The following SEMA3A variants were observed in gnomAD, a reference collection of about 807,000 sequenced individuals.
SEMA3A encodes semaphorin 3A.
In SEMA3A, 29 loss-of-function variants were observed where a neutral mutation model predicts 97.9. The observed-to-expected ratio is 0.30, with a 90% CI of 0.22 to 0.40. The LOEUF is 0.40. Among genes scored for constraint, SEMA3A ranks in the 10% least tolerant of loss-of-function variants. The pLI is 1.00. For synonymous variants in SEMA3A, 321 were observed against 323.7 expected (o/e 0.99, Z 0.09); for missense variants, 763 against 951.3 (o/e 0.80, Z 2.60).
chr7:84,276,751 T>C (rs917267806), intron 3 of SEMA3A, among the ~76,000 whole-genome samples: 2 of 152,122 alleles, frequency 1.3e-5, no homozygotes, highest in Admixed American at 6.6e-5. Context: ...GCTCTTATTA[T>C]ACTTTAAGCA....
Position 84,037,861 on chromosome 7 carries a change from T to C in SEMA3A, c.667+8463A>G, listed in dbSNP as rs58489880. 6.1e-3 allele frequency among the ~76,000 whole-genome samples: 931 copies of C among 152,196 alleles called. 13 individuals are homozygous for C. The highest frequency in any genetic ancestry group is 0.021 in the African/African-American group (893 of 41,542). On this transcript the variant is annotated intron_variant, in intron 6 of 16. Coordinates refer to ENST00000265362, the MANE Select transcript of SEMA3A (RefSeq NM_006080.3). The stretch of plus-strand genomic sequence containing the variant: ...GTACCATAGGAAACTGATATACGGC[T>C]GAGAACAAGGACTTTGATATTCTCT...
At chr7:84,086,655 C>T (rs185470433) in intron 4 of SEMA3A, among the ~76,000 whole-genome samples, 74 of 144,498 alleles carry the variant, frequency 5.1e-4, no homozygotes, top group Middle Eastern at 3.6e-3. Context: ...CTCCAGAGGG[C>T]ACAACTCATA....
intron 3 of SEMA3A, among the ~76,000 whole-genome samples, chr7:84,219,296 G>A (rs1247546739): frequency 6.6e-6 from 1 of 152,180 alleles, no homozygotes; most frequent in Admixed American, 6.5e-5. Context: ...ATGTCTGACA[G>A]AAGATCTTCA....
intron 1 of SEMA3A, among the ~76,000 whole-genome samples, chr7:84,454,232 G>A (rs540263649): frequency 1.3e-5 from 2 of 152,038 alleles, no homozygotes; most frequent in South Asian, 2.1e-4. Context: ...TTCTTATTTT[G>A]TAATGGCTTT....
At position 84,241,310 on chromosome 7, in the gene SEMA3A, G is replaced by A. The variant is rs570871423; in HGVS notation, c.-82-46642C>T. Among the ~76,000 whole-genome samples the A allele has an allele frequency of 4.3e-4, 66 of 152,272 alleles. 3 individuals are homozygous for A. The highest frequency in any genetic ancestry group is 3.8e-3 in the Admixed American group (58 of 15,286). On this transcript the variant is annotated intron_variant, in intron 3 of 3. Transcript: ENST00000424555. Reference sequence around the variant, plus strand: ...AATAATCACCATTCTAACGGCATGAGATAGTATCTCATTACGGTTTTGATT... The same window carrying A: ...AATAATCACCATTCTAACGGCATGAAATAGTATCTCATTACGGTTTTGATT...
intron 3 of SEMA3A, among the ~76,000 whole-genome samples, chr7:84,271,437 G>GT (rs1383188380): frequency 6.6e-6 from 1 of 152,098 alleles, no homozygotes; most frequent in African/African-American, 2.4e-5. Flanking sequence ...TGGCTCTGTA[G>GT]TTTTCAACTT....
chr7:84,437,973 G>T (rs1584325159), intron 1 of SEMA3A, among the ~76,000 whole-genome samples: 1 of 152,080 alleles, frequency 6.6e-6, no homozygotes, highest in Middle Eastern at 3.4e-3. Flanking sequence ...TACAGAACAT[G>T]AAACTTGCTG....
intron 12 of SEMA3A, among the ~76,000 whole-genome samples, chr7:83,997,437 A>C (rs1425900896): frequency 1.3e-5 from 2 of 152,144 alleles, no homozygotes; most frequent in African/African-American, 4.8e-5. Flanking sequence ...TTTGACAGTG[A>C]AATATTCCAA....
At chr7:84,339,981 G>GA (rs908738746) in intron 2 of SEMA3A, among the ~76,000 whole-genome samples, 1 of 150,920 alleles carries the variant, frequency 6.6e-6, no homozygotes, top group Non-Finnish European at 1.5e-5. Context: ...AGTCACTTTA[G>GA]AAAAAAAACA....
intron 3 of SEMA3A, among the ~76,000 whole-genome samples, chr7:84,257,518 T>C (rs554358925): frequency 1.2e-4 from 19 of 152,162 alleles, no homozygotes; most frequent in Non-Finnish European, 2.4e-4. Flanking sequence ...AGTATTAAGA[T>C]GCATAAACAT....
At chr7:84,339,099 C>T (rs1433428365) in intron 2 of SEMA3A, among the ~76,000 whole-genome samples, 2 of 152,082 alleles carry the variant, frequency 1.3e-5, no homozygotes, top group African/African-American at 4.8e-5. Flanking sequence ...TTGCTTTAGG[C>T]TTTTCAGGAA....
At chr7:84,341,416 C>T (rs1019933914) in intron 2 of SEMA3A, among the ~76,000 whole-genome samples, 2 of 151,920 alleles carry the variant, frequency 1.3e-5, no homozygotes. Context: ...TACCATTAAA[C>T]TCCAAGTCAT....
At chr7:84,243,060 T>C (rs1238581717) in intron 3 of SEMA3A, among the ~76,000 whole-genome samples, 3 of 152,354 alleles carry the variant, frequency 2.0e-5, no homozygotes, top group Admixed American at 6.5e-5. Context: ...TAGTATTTTA[T>C]TGAAGATTTT....
At chr7:84,340,796 A>AG (rs1319386034) in intron 2 of SEMA3A, among the ~76,000 whole-genome samples, 1 of 126,828 alleles carries the variant, frequency 7.9e-6, no homozygotes, top group Admixed American at 8.4e-5. Flanking sequence ...AAAAAAAAAA[A>AG]AATCAAAATA....
At chr7:83,975,810 G>A (rs1442024784) in intron 15 of SEMA3A, among the ~76,000 whole-genome samples, 1 of 152,070 alleles carries the variant, frequency 6.6e-6, no homozygotes, top group African/African-American at 2.4e-5. Context: ...GAATGGTGCT[G>A]ATCATAATTC....
At chr7:84,350,666 A>G (rs1166178153) in intron 2 of SEMA3A, among the ~76,000 whole-genome samples, 1 of 152,156 alleles carries the variant, frequency 6.6e-6, no homozygotes, top group Non-Finnish European at 1.5e-5. Context: ...TATATACCAC[A>G]TTAACTTCTA....
chr7:84,313,038 T>C (rs944172346), intron 2 of SEMA3A, among the ~76,000 whole-genome samples: 4 of 144,038 alleles, frequency 2.8e-5, no homozygotes, highest in Non-Finnish European at 6.1e-5. Flanking sequence ...TACATACACA[T>C]ATATAAGTGT....
chr7:84,365,995 T>C (rs1802838812), intron 2 of SEMA3A, among the ~76,000 whole-genome samples: 1 of 151,484 alleles, frequency 6.6e-6, no homozygotes, highest in South Asian at 2.1e-4. Flanking sequence ...GTGGAGACAC[T>C]ACTTTTTAAC....
intron 1 of SEMA3A, among the ~76,000 whole-genome samples, chr7:84,395,669 T>G (rs1803713051): frequency 6.6e-6 from 1 of 152,012 alleles, no homozygotes; most frequent in Non-Finnish European, 1.5e-5. Context: ...TAATGAGTTC[T>G]GATGGTTTTA....
Sources: allele counts gnomAD v4.1 joint callset (sites outside exome capture counted in the v4.1 genomes callset), GRCh38; gene constraint gnomAD v4.1.1; transcripts MANE v1.5; gene names NCBI Gene and HGNC (gene_info 2026-07-23, HGNC 2026-07-21).